Variants in XRRA1 observed in about 807,000 individuals in gnomAD.
XRRA1 encodes the protein X-ray radiation resistance-associated protein 1.
Under a neutral mutation model 80.2 loss-of-function variants are expected in XRRA1, and 69 were observed. The observed-to-expected ratio is 0.86, with a 90% CI of 0.71 to 1.05. XRRA1 has a LOEUF of 1.05. Among genes scored for constraint, XRRA1 ranks in the 50% least tolerant of loss-of-function variants. The probability of loss-of-function intolerance (pLI) is 0.00; values close to 1 mark genes in which losing one functional copy is unlikely to be tolerated. For synonymous variants in XRRA1, 348 were observed against 389.9 expected, an observed-to-expected ratio of 0.89 and a Z score of 1.27; for missense variants, 967 against 976.4, an observed-to-expected ratio of 0.99 and a Z score of 0.13.
chr11:74,873,210 A>C (rs2045275595), intron 10 of XRRA1, among the ~76,000 whole-genome samples: 2 of 152,208 alleles, frequency 1.3e-5, no homozygotes, highest in African/African-American at 4.8e-5. Context: ...AGGGGCTAGA[A>C]GCCATTATTA....
chr11:74,866,277 A>G (rs1313582018), intron 10 of XRRA1, among the ~76,000 whole-genome samples: 1 of 152,040 alleles, frequency 6.6e-6, no homozygotes, highest in Admixed American at 6.6e-5. Flanking sequence ...TTTTGGAGAC[A>G]GGCTCTCATT....
chr11:74,854,409 T>A (rs764957395), intron 12 of XRRA1, among the ~76,000 whole-genome samples: 1 of 152,192 alleles, frequency 6.6e-6, no homozygotes, highest in East Asian at 1.9e-4. Flanking sequence ...AAAGACCATA[T>A]AATAAGTGTT....
intron 10 of XRRA1, chr11:74,876,846 T>A (rs1371077194): frequency 6.6e-6 from 1 of 152,254 alleles, no homozygotes; most frequent in Non-Finnish European, 1.5e-5. Context: ...ATACTTTCAG[T>A]TATTTCTACT....
chr11:74,901,565 A>T (rs1565365223), intron 10 of XRRA1, among the ~76,000 whole-genome samples: 1 of 152,210 alleles, frequency 6.6e-6, no homozygotes, highest in Non-Finnish European at 1.5e-5. Flanking sequence ...AGTAACCAAA[A>T]CAGTATGGTA....
chr11:74,859,040 A>C, intron 12 of XRRA1, 118 bp downstream of exon 12: 1 of 1,332,908 alleles, frequency 7.5e-7, no homozygotes, highest in Non-Finnish European at 9.8e-7. Context: ...AGAATTCCTG[A>C]GCCCATGTAC....
chr11:74,940,954 C>A, intron 2 of XRRA1, 72 bp from the exon 3 acceptor site: 2 of 1,188,796 alleles, frequency 1.7e-6, no homozygotes, highest in South Asian at 1.3e-5. Flanking sequence ...TACTCCAGTG[C>A]AGCTCATGAG....
rs191174387 is a variant in XRRA1, at chr11:74,861,224, C to T, written c.1044+1757G>A. On this transcript the variant is annotated intron_variant, in intron 11 of 18. Transcript: ENST00000684022. ...GTCATTTATAGCTGGGGTCCCCAAC[C>T]CTCGAGCCACAAACCGGTGCCAGTC... 2.2e-4 allele frequency among the ~76,000 whole-genome samples: 33 copies of T among 152,314 alleles called. No homozygotes were observed. The East Asian group carries it at 6.4e-3, about 29-fold the overall frequency.
At chr11:74,907,385 C>A in intron 8 of XRRA1, 112 bp from the exon 9 acceptor site, 2 of 1,424,330 alleles carry the variant, frequency 1.4e-6, no homozygotes, top group Non-Finnish European at 1.9e-6. Context: ...AGCTTAGGAA[C>A]GGTTCTAGTG....
chr11:74,848,455 CTT>C lies in XRRA1; in HGVS notation c.1386_1387del (p.Ser463ArgfsTer36). On this transcript the variant is annotated frameshift_variant, in exon 15 of 19. Transcript: ENST00000684022. LOFTEE classifies it high-confidence loss of function. ...CTGCTTCGGCACCTTTGGGATTTCGCTTTTCACCTGTCATGGAGAAGGGCCAG... is the reference window on the plus strand; with the variant it reads ...CTGCTTCGGCACCTTTGGGATTTCGCTTCACCTGTCATGGAGAAGGGCCAG... 1 of 1,606,180 alleles carries C rather than the reference CTT, an allele frequency of 6.2e-7. No individual in the cohort carries two copies. Among genetic ancestry groups the C allele is most frequent in the South Asian group, 1.1e-5 (1 of 90,468 alleles).
At chr11:74,907,880 A>G (rs925353288) in intron 8 of XRRA1, among the ~76,000 whole-genome samples, 7 of 152,294 alleles carry the variant, frequency 4.6e-5, no homozygotes, top group African/African-American at 1.7e-4. Flanking sequence ...AGAAATACCT[A>G]AGAGTGAGAT....
chr11:74,858,653 A>G (rs961975268), intron 12 of XRRA1, among the ~76,000 whole-genome samples: 7 of 152,070 alleles, frequency 4.6e-5, no homozygotes, highest in African/African-American at 1.4e-4. Flanking sequence ...CAACATTTCT[A>G]CCCTCACTTG....
intron 10 of XRRA1, among the ~76,000 whole-genome samples, chr11:74,891,278 T>C: frequency 6.6e-6 from 1 of 152,098 alleles, no homozygotes; most frequent in Non-Finnish European, 1.5e-5. Context: ...TAATCCAACA[T>C]ATAAACAGAA....
At chr11:74,846,891 C>T (rs2135405699) in intron 15 of XRRA1, among the ~76,000 whole-genome samples, 1 of 151,806 alleles carries the variant, frequency 6.6e-6, no homozygotes, top group South Asian at 2.1e-4. Context: ...AAGGTTATAG[C>T]CAGGACAATT....
chr11:74,901,032 A>G (rs1258099750), intron 10 of XRRA1, among the ~76,000 whole-genome samples: 1 of 152,226 alleles, frequency 6.6e-6, no homozygotes, highest in Admixed American at 6.5e-5. Context: ...TGCAGATGAT[A>G]TGATCTTATA....
At chr11:74,889,572 A>G in intron 10 of XRRA1, among the ~76,000 whole-genome samples, 1 of 152,256 alleles carries the variant, frequency 6.6e-6, no homozygotes, top group Non-Finnish European at 1.5e-5. Flanking sequence ...TTAAGTGTCA[A>G]TGGGCTAAAT....
At chr11:74,870,629 C>T (rs946559222) in intron 10 of XRRA1, among the ~76,000 whole-genome samples, 1 of 152,136 alleles carries the variant, frequency 6.6e-6, no homozygotes, top group Non-Finnish European at 1.5e-5. Context: ...CATCTCTCTC[C>T]CCGCTTGCTC....
At chr11:74,920,029 C>G (rs1940213382) in intron 8 of XRRA1, 1 of 195,688 alleles carries the variant, frequency 5.1e-6, no homozygotes, top group Middle Eastern at 2.1e-3. Context: ...AAAAATGAAG[C>G]CAACACCAAG....
At chr11:74,889,923 G>C (rs540559050) in intron 10 of XRRA1, among the ~76,000 whole-genome samples, 31 of 152,256 alleles carry the variant, frequency 2.0e-4, no homozygotes, top group Non-Finnish European at 3.7e-4. Context: ...GACCTACAAA[G>C]AGACTTAGAC....
Position 74,863,286 on chromosome 11 carries a change from T to G in XRRA1, c.1004-265A>C, listed in dbSNP as rs533038354. On this transcript the variant is annotated intron_variant, in intron 10 of 18. Coordinates refer to ENST00000684022, the MANE Select transcript of XRRA1 (RefSeq NM_001378157.1). Reference sequence around the variant, plus strand: ...CATGATTGGGCCCCTGCCTACTTCTTCAGTCTCATTTCATGATACTCTCCC... The same window carrying G: ...CATGATTGGGCCCCTGCCTACTTCTGCAGTCTCATTTCATGATACTCTCCC... The G allele has an allele frequency of 1.8e-5, 9 of 493,828 alleles. No homozygotes were observed. The South Asian group carries it at 2.2e-4, about 12-fold the overall frequency. The allele number at this position is 493,828 out of a possible 1,614,324, so 30.6% of individuals were successfully genotyped here.
Sources: allele counts gnomAD v4.1 joint callset (sites outside exome capture counted in the v4.1 genomes callset), GRCh38; gene constraint gnomAD v4.1.1; transcripts MANE v1.5; gene names NCBI Gene and HGNC (gene_info 2026-07-23, HGNC 2026-07-21).